Variants in GALNT17 observed in about 807,000 individuals in gnomAD.
The protein encoded by GALNT17 is polypeptide N-acetylgalactosaminyltransferase 17, also known as UDP-GalNAc:polypeptide N-acetylgalactosaminyltransferase-like 3.
In GALNT17, 29 loss-of-function variants were observed where a neutral mutation model predicts 63.7. That is an observed-to-expected ratio of 0.46 (90% CI 0.34 to 0.62). The LOEUF is 0.62. GALNT17 is among the 20% of genes least tolerant of loss of function. The pLI is 0.01. For missense variants in GALNT17, 603 were observed against 799.6 expected, an observed-to-expected ratio of 0.75 and a Z score of 2.97; for synonymous variants, 305 against 318.3, an observed-to-expected ratio of 0.96 and a Z score of 0.45.
intron 2 of GALNT17, among the ~76,000 whole-genome samples, chr7:71,374,580 CAG>C (rs1341226493): frequency 2.0e-5 from 3 of 152,206 alleles, no homozygotes; most frequent in Non-Finnish European, 4.4e-5. Context: ...GTAGAGAAAA[CAG>C]ACTTTGCCTC....
chr7:71,411,593 A>C (rs1399374862), intron 3 of GALNT17, among the ~76,000 whole-genome samples: 1 of 151,984 alleles, frequency 6.6e-6, no homozygotes, highest in Non-Finnish European at 1.5e-5. Flanking sequence ...CAACACCCTA[A>C]TGCTCTTAGG....
At chr7:71,561,163 C>G (rs1789250031) in intron 5 of GALNT17, among the ~76,000 whole-genome samples, 1 of 152,134 alleles carries the variant, frequency 6.6e-6, no homozygotes, top group African/African-American at 2.4e-5. Flanking sequence ...CAGGCACGCA[C>G]CACCATGCCT....
intron 1 of GALNT17, among the ~76,000 whole-genome samples, chr7:71,302,974 C>T (rs751556628): frequency 6.6e-6 from 1 of 151,996 alleles, no homozygotes; most frequent in Non-Finnish European, 1.5e-5. Context: ...AAGCAATTCT[C>T]CTGCCTCAGC....
intron 1 of GALNT17, among the ~76,000 whole-genome samples, chr7:71,277,743 AG>A (rs1314781795): frequency 2.0e-5 from 3 of 152,136 alleles, no homozygotes; most frequent in Non-Finnish European, 4.4e-5. Context: ...TGTCCAGAGG[AG>A]GGGAGAGAGT....
intron 1 of GALNT17, among the ~76,000 whole-genome samples, chr7:71,137,290 C>G (rs1483332765): frequency 6.6e-6 from 1 of 152,114 alleles, no homozygotes; most frequent in African/African-American, 2.4e-5. Context: ...CAGGCGTCCG[C>G]CACCACGCCC....
At chr7:71,525,054 T>G (rs550578370) in intron 5 of GALNT17, among the ~76,000 whole-genome samples, 1 of 152,364 alleles carries the variant, frequency 6.6e-6, no homozygotes, top group African/African-American at 2.4e-5. Context: ...AAAGATACAT[T>G]TTATTAAGTT....
intron 5 of GALNT17, among the ~76,000 whole-genome samples, chr7:71,520,833 A>G (rs984299971): frequency 6.6e-6 from 1 of 152,178 alleles, no homozygotes; most frequent in Admixed American, 6.5e-5. Context: ...AGACCCAGCA[A>G]AAGCACTATC....
At chr7:71,409,011 TACAC>T (rs1219822032) in intron 3 of GALNT17, among the ~76,000 whole-genome samples, 1 of 77,842 alleles carries the variant, frequency 1.3e-5, no homozygotes, top group Non-Finnish European at 2.7e-5. Flanking sequence ...TATATGCACA[TACAC>T]AAACACACAC....
chr7:71,365,451 G>A (rs1792486421), intron 2 of GALNT17, among the ~76,000 whole-genome samples: 1 of 152,188 alleles, frequency 6.6e-6, no homozygotes, highest in Non-Finnish European at 1.5e-5. Context: ...TGTTGGCCAG[G>A]ATGATCTCAA....
chr7:71,469,170 A>C (rs1197137568), intron 5 of GALNT17, among the ~76,000 whole-genome samples: 1 of 152,108 alleles, frequency 6.6e-6, no homozygotes, highest in Non-Finnish European at 1.5e-5. Flanking sequence ...GAAGGTTCTA[A>C]GGTGGAAGGC....
At position 71,341,138 on chromosome 7, in the gene GALNT17, C is replaced by T. The variant is rs550193487; in HGVS notation, c.422+5405C>T. 6.6e-5 allele frequency among the ~76,000 whole-genome samples: 10 copies of T among 152,218 alleles called. No homozygotes were observed. The South Asian group carries it at 2.1e-3, about 32-fold the overall frequency. Reference sequence around the variant, plus strand: ...GCTGTGACAGTAGGAACACTTGAACCTAGGAGTTAGAGTCCAGCTTGGGCA... The same window carrying T: ...GCTGTGACAGTAGGAACACTTGAACTTAGGAGTTAGAGTCCAGCTTGGGCA... On this transcript the variant is annotated intron_variant, in intron 2 of 10. Coordinates refer to ENST00000333538, the MANE Select transcript of GALNT17 (RefSeq NM_022479.3).
intron 6 of GALNT17, among the ~76,000 whole-genome samples, chr7:71,607,206 G>A (rs907000363): frequency 6.6e-6 from 1 of 152,084 alleles, no homozygotes; most frequent in Non-Finnish European, 1.5e-5. Flanking sequence ...TGATACCCAA[G>A]ATAGCGATAT....
At chr7:71,169,137 C>A (rs906640331) in intron 1 of GALNT17, among the ~76,000 whole-genome samples, 3 of 152,146 alleles carry the variant, frequency 2.0e-5, no homozygotes, top group African/African-American at 7.2e-5. Context: ...TGGAGTTCTC[C>A]CTCTGTGCAG....
chr7:71,524,710 C>T (rs1788595906), intron 5 of GALNT17, among the ~76,000 whole-genome samples: 1 of 152,168 alleles, frequency 6.6e-6, no homozygotes, highest in Non-Finnish European at 1.5e-5. Context: ...ATAGGTGTAG[C>T]AAGTGCTGAA....
chr7:71,177,147 A>G (rs61121638), intron 1 of GALNT17, among the ~76,000 whole-genome samples: 3,410 of 152,180 alleles, frequency 0.022, 93 homozygotes, highest in African/African-American at 0.067. Context: ...GGGCCAAGCT[A>G]CTGTCCTCAT....
intron 1 of GALNT17, among the ~76,000 whole-genome samples, chr7:71,206,916 T>A (rs2116381994): frequency 6.6e-6 from 1 of 152,136 alleles, no homozygotes; most frequent in South Asian, 2.1e-4. Flanking sequence ...CCATCCTGGC[T>A]AATGCAGTGA....
intron 5 of GALNT17, among the ~76,000 whole-genome samples, chr7:71,447,071 TTC>T (rs569922100): frequency 6.6e-6 from 1 of 152,310 alleles, no homozygotes; most frequent in South Asian, 2.1e-4. Context: ...AAATCTTCAG[TTC>T]TCTGATTCTC....
chr7:71,199,407 A>T (rs1789119563), intron 1 of GALNT17, among the ~76,000 whole-genome samples: 2 of 152,102 alleles, frequency 1.3e-5, no homozygotes, highest in South Asian at 4.1e-4. Context: ...ACCGTCCATC[A>T]TCTGTCTGTC....
chr7:71,182,853 C>T (rs1422485930), intron 1 of GALNT17, among the ~76,000 whole-genome samples: 1 of 152,106 alleles, frequency 6.6e-6, no homozygotes, highest in Non-Finnish European at 1.5e-5. Flanking sequence ...GTCATCTTGC[C>T]CATTTGTCAG....
Sources: gnomAD v4.1 joint callset for allele counts (sites outside exome capture counted in the v4.1 genomes callset) on GRCh38, gnomAD v4.1.1 for gene constraint, MANE v1.5 for transcripts, NCBI Gene and HGNC (gene_info 2026-07-23, HGNC 2026-07-21) for gene names.